COL6A5: variants seen among roughly 807,000 people sequenced by gnomAD.
COL6A5 encodes collagen alpha-5(VI) chain.
In COL6A5, 48 loss-of-function variants were observed where a neutral mutation model predicts 65.6. The observed-to-expected ratio is 0.73, with a 90% CI of 0.58 to 0.93. COL6A5 has a LOEUF of 0.93. Ranked by LOEUF, COL6A5 falls within the 40% of genes least tolerant of loss-of-function variation. The pLI is 0.00. For synonymous variants in COL6A5, 291 were observed against 322.8 expected (o/e 0.90, Z 1.05); for missense variants, 914 against 928.3 (o/e 0.98, Z 0.20).
chr3:130,480,839 A>T (rs770005905), intron 7 of COL6A5, among the ~76,000 whole-genome samples: 1 of 152,250 alleles, frequency 6.6e-6, no homozygotes, highest in Non-Finnish European at 1.5e-5. Context: ...ATTTCTGTGC[A>T]TGTGAGTTAC....
chr3:130,360,873 A>G (rs1371774485), intron 1 of COL6A5, among the ~76,000 whole-genome samples: 2 of 152,092 alleles, frequency 1.3e-5, no homozygotes, highest in East Asian at 3.8e-4. Flanking sequence ...GCAAATGCAT[A>G]TTTCCATGTA....
At chr3:130,426,433 C>T (rs1248375269) in intron 31 of COL6A5, 30 bp downstream of exon 31, 1 of 1,549,562 alleles carries the variant, frequency 6.5e-7, no homozygotes, top group African/African-American at 1.4e-5. Context: ...CAAGAGCATC[C>T]ATCAATGGTT....
chr3:130,354,881 C>T (rs540225637), intron 1 of COL6A5, among the ~76,000 whole-genome samples: 2 of 152,204 alleles, frequency 1.3e-5, no homozygotes, highest in East Asian at 3.9e-4. Context: ...TGAAATGTAG[C>T]TAGACTGAGT....
At chr3:130,440,634 T>A in exon 3 of COL6A5, 1 of 1,613,454 alleles carries the variant, frequency 6.2e-7, no homozygotes, top group Non-Finnish European at 8.5e-7. Context: ...TTTGTAAAAA[T>A]GATGGCTTTG....
At chr3:130,400,904 C>A (rs771100022) in intron 10 of COL6A5, 127 bp from the exon 11 acceptor site, 30 of 744,390 alleles carry the variant, frequency 4.0e-5, no homozygotes, top group Non-Finnish European at 5.9e-5. Flanking sequence ...GTACTCCTTC[C>A]TCTTATGTTT....
chr3:130,362,306 A>C (rs1377284519), intron 1 of COL6A5, among the ~76,000 whole-genome samples: 1 of 19,576 alleles, frequency 5.1e-5, no homozygotes, highest in African/African-American at 1.1e-4. Flanking sequence ...ATATATATAT[A>C]TATATATATA....
intron 1 of COL6A5, among the ~76,000 whole-genome samples, chr3:130,356,586 G>A (rs925234967): frequency 5.3e-5 from 8 of 151,642 alleles, no homozygotes; most frequent in Non-Finnish European, 1.2e-4. Context: ...ATATATAGGG[G>A]AAACTTTGAC....
chr3:130,439,743 T>A (rs1465606630), intron 2 of COL6A5, 128 bp downstream of exon 34: 15 of 693,452 alleles, frequency 2.2e-5, no homozygotes, highest in Non-Finnish European at 3.7e-5. Context: ...TTCTAGTTTT[T>A]CAATACCATA....
exon 7 of COL6A5, chr3:130,391,577 T>C (rs759654155): frequency 3.2e-6 from 5 of 1,551,488 alleles, no homozygotes; most frequent in Non-Finnish European, 4.4e-6. Flanking sequence ...TGACACAGCA[T>C]TGGAACTGAG....
exon 8 of COL6A5, chr3:130,395,238 T>TCA: frequency 6.4e-7 from 1 of 1,551,684 alleles, no homozygotes; most frequent in South Asian, 1.2e-5. Context: ...TTGGTTGTTA[T>TCA]CACATCTGGA....
At chr3:130,432,360 C>G (rs936451753) in intron 1 of COL6A5, among the ~76,000 whole-genome samples, 1 of 152,024 alleles carries the variant, frequency 6.6e-6, no homozygotes, top group Non-Finnish European at 1.5e-5. Flanking sequence ...CGAGACCATC[C>G]TGGCCAACAT....
chr3:130,466,751 C>A (rs759685777), intron 5 of COL6A5, among the ~76,000 whole-genome samples: 1 of 151,942 alleles, frequency 6.6e-6, no homozygotes, highest in African/African-American at 2.4e-5. Flanking sequence ...GAAGACACAA[C>A]TTTCCAATAT....
chr3:130,398,419 C>T (rs1030936045), intron 10 of COL6A5, among the ~76,000 whole-genome samples: 10 of 152,144 alleles, frequency 6.6e-5, no homozygotes, highest in Middle Eastern at 3.4e-3. Flanking sequence ...CGTGAGCCAC[C>T]GCGCCCAGCC....
intron 10 of COL6A5, among the ~76,000 whole-genome samples, chr3:130,399,360 T>C (rs1203085617): frequency 6.8e-6 from 1 of 147,918 alleles, no homozygotes; most frequent in Non-Finnish European, 1.5e-5. Context: ...CAGCCTTAAC[T>C]CATTTCTTTC....
upstream of COL6A5, among the ~76,000 whole-genome samples, chr3:130,431,032 G>C (rs1243592889): frequency 6.6e-6 from 1 of 152,134 alleles, no homozygotes; most frequent in Non-Finnish European, 1.5e-5. Flanking sequence ...AGATTTTCAA[G>C]ATCTCCAATA....
In COL6A5 at chr3:130,419,056, T is replaced by C. The variant is rs1172796981; in HGVS notation, c.4950+125T>C. On this transcript the variant is annotated intron_variant and NMD_transcript_variant, in intron 25 of 41. Transcript: ENST00000312481. Reference sequence around the variant, plus strand: ...AAAGGTATTTCAGCATCTAGGAAAATGTGAGAACATTTCTCCCACCCCCTA... The same window carrying C: ...AAAGGTATTTCAGCATCTAGGAAAACGTGAGAACATTTCTCCCACCCCCTA... 5.5e-5 allele frequency: 41 copies of C among 741,852 alleles called. No homozygotes were observed. The South Asian group carries it at 6.4e-4, about 12-fold the overall frequency. 46.0% of individuals were successfully genotyped at this position (741,852 alleles called of 1,614,324 possible).
chr3:130,384,195 C>T (rs78098499), intron 4 of COL6A5, among the ~76,000 whole-genome samples: 1,720 of 151,920 alleles, frequency 0.011, 27 homozygotes, highest in African/African-American at 0.04. Flanking sequence ...CCCAGGGACA[C>T]GTTCTAAAGA....
Position 130,414,067 on chromosome 3 carries a change from A to G in COL6A5, c.4699-2A>G. ...TTGACACTGGAAACTCTTGTTCATC[A>G]GGGAGAACCAGGAAATCCTGGACCT... is the stretch of plus-strand genomic sequence containing the variant. On this transcript the variant is annotated splice_acceptor_variant and NMD_transcript_variant, in intron 21 of 41. Transcript: ENST00000312481. 1.9e-6 allele frequency: 3 copies of G among 1,549,590 alleles called. No individual in the cohort carries two copies. Among genetic ancestry groups the G allele is most frequent in the Non-Finnish European group, 1.7e-6 (2 of 1,145,226 alleles).
chr3:130,403,724 C>A (rs200092224), intron 13 of COL6A5, 62 bp downstream of exon 13: 39 of 1,005,426 alleles, frequency 3.9e-5, no homozygotes, highest in South Asian at 1.3e-4. Context: ...CACACACACA[C>A]ACACAAACAC....
Sources: gnomAD v4.1 joint callset for allele counts (sites outside exome capture counted in the v4.1 genomes callset) on GRCh38, gnomAD v4.1.1 for gene constraint, MANE v1.5 for transcripts, NCBI Gene and HGNC (gene_info 2026-07-23, HGNC 2026-07-21) for gene names.